Variants in UBR1 observed in about 807,000 individuals in gnomAD.
UBR1 encodes the protein E3 ubiquitin-protein ligase UBR1.
In UBR1, 102 loss-of-function variants were observed where a neutral mutation model predicts 242.1. That is an observed-to-expected ratio of 0.42 (90% CI 0.36 to 0.50). The LOEUF (loss-of-function observed/expected upper bound fraction) is 0.50, where lower values mean the gene tolerates loss of function less well. Ranked by LOEUF, UBR1 falls within the 20% of genes least tolerant of loss-of-function variation. The pLI is 0.01. For synonymous variants in UBR1, 675 were observed against 684.8 expected (o/e 0.99, Z 0.22); for missense variants, 1,772 against 2,101.8 (o/e 0.84, Z 3.07).
chr15:43,091,165 C>T (rs925349751), intron 1 of UBR1, among the ~76,000 whole-genome samples: 4 of 152,048 alleles, frequency 2.6e-5, no homozygotes, highest in Non-Finnish European at 4.4e-5. Context: ...CTTGAACTCC[C>T]GACCTCAGGT....
At chr15:43,004,035 A>C in intron 30 of UBR1, 105 bp from the exon 31 acceptor site, 8 of 937,390 alleles carry the variant, frequency 8.5e-6, no homozygotes, top group East Asian at 2.4e-5. Context: ...TCACAATATC[A>C]TGATAGGAGG....
chr15:43,005,707 A>T (rs2032814285), intron 30 of UBR1, among the ~76,000 whole-genome samples: 1 of 152,234 alleles, frequency 6.6e-6, no homozygotes. Context: ...GTGTAGAAAG[A>T]AGTAGACATG....
At chr15:43,089,104 G>A (rs1211546597) in intron 1 of UBR1, among the ~76,000 whole-genome samples, 1 of 151,808 alleles carries the variant, frequency 6.6e-6, no homozygotes, top group Non-Finnish European at 1.5e-5. Flanking sequence ...AGAAGTTGCA[G>A]TGAGCTGAGA....
intron 29 of UBR1, chr15:43,012,083 C>G (rs2032931381): frequency 4.3e-6 from 1 of 234,860 alleles, no homozygotes; most frequent in African/African-American, 2.3e-5. Flanking sequence ...AAAAATTAGC[C>G]AGGCGTGGTG....
intron 35 of UBR1, 22 bp downstream of exon 35, chr15:42,988,797 C>A (rs771258705): frequency 2.5e-6 from 4 of 1,613,978 alleles, no homozygotes; most frequent in Non-Finnish European, 3.4e-6. Context: ...AACCTCCAAA[C>A]CAGTTTTCTT....
chr15:42,981,518 CT>C (rs1308396431), intron 37 of UBR1, among the ~76,000 whole-genome samples: 1 of 151,954 alleles, frequency 6.6e-6, no homozygotes, highest in African/African-American at 2.4e-5. Context: ...GAGATGGAAT[CT>C]CGCTCTGTCG....
intron 25 of UBR1, among the ~76,000 whole-genome samples, chr15:43,023,513 C>T (rs2033137504): frequency 6.9e-6 from 1 of 144,800 alleles, no homozygotes; most frequent in Non-Finnish European, 1.5e-5. Context: ...ATCGCTTGAA[C>T]CCAGAGGCGG....
chr15:43,018,647 T>C (rs1188799624), intron 27 of UBR1, among the ~76,000 whole-genome samples: 1 of 152,162 alleles, frequency 6.6e-6, no homozygotes, highest in East Asian at 1.9e-4. Flanking sequence ...CACCTTAGCT[T>C]CCCAAAGTGC....
rs76219073 is a variant in UBR1, at chr15:43,010,261, T to C, written c.3210-2977A>G. 3.5e-4 allele frequency among the ~76,000 whole-genome samples: 53 copies of C among 152,162 alleles called. No homozygotes were observed. The East Asian group carries it at 7.0e-3, about 20-fold the overall frequency. On this transcript the variant is annotated intron_variant, in intron 29 of 46. Transcript: ENST00000290650. ...CAATAAATTATGAAAGGTTTACTTA[T>C]TGATTGTCACAAGGTTCTAGTGGGC... is the stretch of plus-strand genomic sequence containing the variant.
At chr15:43,101,813 C>T (rs1276592087) in intron 1 of UBR1, among the ~76,000 whole-genome samples, 1 of 151,678 alleles carries the variant, frequency 6.6e-6, no homozygotes, top group Non-Finnish European at 1.5e-5. Flanking sequence ...ACTAAAAATA[C>T]AAAAATTAAC....
chr15:42,959,621 A>G (rs1333863224), intron 43 of UBR1, among the ~76,000 whole-genome samples: 1 of 152,208 alleles, frequency 6.6e-6, no homozygotes, highest in East Asian at 1.9e-4. Flanking sequence ...AAAGGTGTAC[A>G]GTGAATTGAA....
At chr15:43,025,101 T>G in intron 24 of UBR1, 118 bp from the exon 25 acceptor site, 2 of 1,286,112 alleles carry the variant, frequency 1.6e-6, no homozygotes, top group Admixed American at 4.5e-5. Context: ...AAACAACACA[T>G]GCTTTTTTGC....
chr15:43,081,883 T>TG (rs2033978943), intron 3 of UBR1, among the ~76,000 whole-genome samples: 1 of 152,080 alleles, frequency 6.6e-6, no homozygotes, highest in Non-Finnish European at 1.5e-5. Flanking sequence ...AGGCATTTAC[T>TG]GTAACACTGT....
intron 32 of UBR1, 43 bp from the exon 33 acceptor site, chr15:42,998,308 A>C (rs750345056): frequency 6.5e-7 from 1 of 1,540,898 alleles, no homozygotes; most frequent in East Asian, 2.3e-5. Flanking sequence ...ATGGGTACAA[A>C]GTCAAATGGA....
In UBR1 at chr15:43,059,824, C is replaced by T. The variant is rs753342743; in HGVS notation, c.863G>A (p.Ser288Asn). The change falls in exon 8 of 47, where the codon AGT (serine) becomes AAT (asparagine). Residue 288 changes from serine to asparagine, a missense_variant and splice_region_variant. Ser to Asn is a conservative substitution (Grantham distance 46). This residue lies in a region of UBR1 where 734 missense variants were observed against 893.3 expected (regional missense o/e 0.82). Transcript: ENST00000290650. ...ATGTTGAGAGACATTTTCTGAATGA[C>T]TCTACAAATGAAGGGAACGAACCAA... Reference protein sequence around the residue: ...ACQEAKEDIKSHSENVSQHPL... With the variant: ...ACQEAKEDIKNHSENVSQHPL... 6.2e-6 allele frequency: 10 copies of T among 1,613,956 alleles called. No individual in the cohort carries two copies. Among genetic ancestry groups the T allele is most frequent in the Non-Finnish European group, 8.5e-6 (10 of 1,179,952 alleles).
rs574978570 is a variant in UBR1 at position 43,032,607 on chromosome 15, G to T, written c.2215C>A (p.Leu739Ile). Residue 739 changes from leucine to isoleucine, a missense_variant, in exon 20 of 47, where the codon CTA becomes ATA. Leu to Ile is a conservative substitution (Grantham distance 5). Coordinates refer to ENST00000290650, the MANE Select transcript of UBR1 (RefSeq NM_174916.3). ...AGGACCTGAAGCATTTCTTCTATTA[G>T]TGTATTATATTGTTTAATCAAATCC... is the stretch of plus-strand genomic sequence containing the variant. ...DQDLIKQYNT[L>I]IEEMLQVLIY... 16 of 1,537,176 alleles carry T rather than the reference G, an allele frequency of 1.0e-5. No homozygotes were observed. The African/African-American group carries it at 1.9e-4, about 18-fold the overall frequency.
chr15:42,945,848 G>T (rs547074350), intron 46 of UBR1, among the ~76,000 whole-genome samples: 6 of 152,288 alleles, frequency 3.9e-5, no homozygotes, highest in African/African-American at 1.2e-4. Flanking sequence ...CACAGTAGAG[G>T]TTAGGCCTGA....
chr15:43,020,487 C>T (rs986183222), intron 27 of UBR1, among the ~76,000 whole-genome samples: 1 of 152,200 alleles, frequency 6.6e-6, no homozygotes, highest in South Asian at 2.1e-4. Flanking sequence ...TATTTCATAT[C>T]AAGATTACTG....
intron 1 of UBR1, among the ~76,000 whole-genome samples, chr15:43,097,023 G>C (rs751067294): frequency 1.3e-4 from 19 of 151,904 alleles, no homozygotes; most frequent in Non-Finnish European, 2.1e-4. Flanking sequence ...ATCTATCAGA[G>C]GAATCGTAAT....
Sources: allele counts gnomAD v4.1 joint callset (sites outside exome capture counted in the v4.1 genomes callset), GRCh38; gene constraint gnomAD v4.1.1; regional missense constraint gnomAD v4.1.1; transcripts MANE v1.5; gene names NCBI Gene and HGNC (gene_info 2026-07-23, HGNC 2026-07-21).